Variants in CENPC observed in about 807,000 individuals in gnomAD.
The protein encoded by CENPC is CENP-C 1.
A neutral mutation model predicts 112.1 loss-of-function variants in CENPC; 63 were observed. The observed-to-expected ratio is 0.56, with a 90% CI of 0.46 to 0.69. The LOEUF (loss-of-function observed/expected upper bound fraction) is 0.69, where lower values mean the gene tolerates loss of function less well. Ranked by LOEUF, CENPC falls within the 30% of genes least tolerant of loss-of-function variation. The pLI is 0.00. For missense variants in CENPC, 1,000 were observed against 1,103.8 expected, an observed-to-expected ratio of 0.91 and a Z score of 1.33; for synonymous variants, 333 against 367.6, an observed-to-expected ratio of 0.91 and a Z score of 1.08.
In CENPC at chr4:67,492,233, G is replaced by A. The variant is rs867358619; in HGVS notation, c.2462C>T (p.Pro821Leu). Reference protein sequence around the residue: ...MVNLGIPLGDPLQPTRVKDPE... With the variant: ...MVNLGIPLGDLLQPTRVKDPE... ...GTCCTTTACCCTCGTTGGCTGCAAA[G>A]GATCTCCAAGAGGTATACCTAGATT... The change falls in exon 16 of 19, where the codon CCT becomes CTT. Residue 821 changes from proline (P) to leucine (L), a missense_variant. Pro to Leu is a moderately conservative substitution (Grantham distance 98, BLOSUM62 -3). Transcript: ENST00000273853. 1.3e-6 allele frequency: 2 copies of A among 1,568,758 alleles called. No homozygotes were observed. Among genetic ancestry groups the A allele is most frequent in the Admixed American group, 3.7e-5 (2 of 53,546 alleles).
intron 17 of CENPC, among the ~76,000 whole-genome samples, chr4:67,485,326 T>C (rs78088859): frequency 0.043 from 6,608 of 152,304 alleles, 207 homozygotes; most frequent in Non-Finnish European, 0.069. Flanking sequence ...CCAAATTTCA[T>C]ACTTTATACA....
chr4:67,475,019 A>G, intron 17 of CENPC, 41 bp from the exon 18 acceptor site: 1 of 1,060,292 alleles, frequency 9.4e-7, no homozygotes, highest in Non-Finnish European at 1.4e-6. Context: ...AAACTGAACC[A>G]TGATAATACT....
chr4:67,527,421 T>C (rs923759993), intron 5 of CENPC, among the ~76,000 whole-genome samples: 3 of 150,890 alleles, frequency 2.0e-5, no homozygotes, highest in Admixed American at 6.6e-5. Context: ...TAAAAACTTA[T>C]AGCTAACATC....
At position 67,493,865 on chromosome 4, in the gene CENPC, T is replaced by C; in HGVS notation, c.2290+19A>G. ...ACAAATTTTTTATTGACAGATATTA[T>C]AACATAAATAAGTTTTACCTGATGG... On this transcript the variant is annotated intron_variant, in intron 14 of 18. Coordinates refer to ENST00000273853, the MANE Select transcript of CENPC (RefSeq NM_001812.4). 1 of 1,532,974 alleles carries C rather than the reference T, an allele frequency of 6.5e-7. No individual in the cohort carries two copies. The highest frequency in any genetic ancestry group is 9.0e-7 in the Non-Finnish European group (1 of 1,112,014). The allele number at this position is 1,532,974 out of a possible 1,614,324, so 95.0% of individuals were successfully genotyped here.
At chr4:67,498,300 A>T (rs1725496441) in intron 12 of CENPC, among the ~76,000 whole-genome samples, 1 of 152,218 alleles carries the variant, frequency 6.6e-6, no homozygotes, top group Non-Finnish European at 1.5e-5. Context: ...GTGAGTTTTA[A>T]TCTTTTTGCT....
intron 17 of CENPC, among the ~76,000 whole-genome samples, chr4:67,488,780 G>A (rs1725159037): frequency 6.6e-6 from 1 of 151,666 alleles, no homozygotes; most frequent in African/African-American, 2.4e-5. Context: ...AATAACTGGA[G>A]GCCTATAACA....
chr4:67,513,041 CAG>C (rs1006303596), intron 8 of CENPC, among the ~76,000 whole-genome samples: 11 of 151,904 alleles, frequency 7.2e-5, no homozygotes, highest in African/African-American at 2.4e-4. Flanking sequence ...AAGCTGTGGT[CAG>C]AGAGATGAGA....
At chr4:67,528,898 GTTTTCT>G (rs1726462312) in intron 5 of CENPC, among the ~76,000 whole-genome samples, 1 of 152,108 alleles carries the variant, frequency 6.6e-6, no homozygotes, top group Non-Finnish European at 1.5e-5. Context: ...CTATCAAATT[GTTTTCT>G]ATGGTGGCTG....
intron 12 of CENPC, among the ~76,000 whole-genome samples, chr4:67,500,169 A>G (rs6819091): frequency 0.24 from 35,843 of 150,794 alleles, 4,552 homozygotes; most frequent in Non-Finnish European, 0.29. Flanking sequence ...CATGCTATTG[A>G]AAAAAAAAAT....
chr4:67,489,021 C>T (rs958616090), intron 17 of CENPC, among the ~76,000 whole-genome samples: 1 of 151,870 alleles, frequency 6.6e-6, no homozygotes, highest in Non-Finnish European at 1.5e-5. Flanking sequence ...TTTAGTAGCA[C>T]AATTTCAGAC....
rs1725469863 is a variant in CENPC at position 67,497,508 on chromosome 4, GA to G, written c.2132-2297del. Among the ~76,000 whole-genome samples, 8 of 152,242 alleles carry G rather than the reference GA, an allele frequency of 5.3e-5. No homozygotes were observed. In the South Asian group the frequency reaches 1.7e-3, roughly 32 times the overall value. On this transcript the variant is annotated intron_variant, in intron 12 of 18. Coordinates refer to ENST00000273853, the MANE Select transcript of CENPC (RefSeq NM_001812.4). Reference sequence around the variant, plus strand: ...TCAAACAGTTTTTTAGTTTCCTGGTGAATATAAAAGTTATTTCTTTTGCTGT... The same window carrying G: ...TCAAACAGTTTTTTAGTTTCCTGGTGATATAAAAGTTATTTCTTTTGCTGT...
rs374387199 is a variant in CENPC, at chr4:67,519,369, G to A, written c.465C>T (p.Ser155=). Residue 155 remains serine, a synonymous_variant, in exon 6 of 19, where the codon TCC becomes TCT. Coordinates refer to ENST00000273853, the MANE Select transcript of CENPC (RefSeq NM_001812.4). ...CCAAAAGAACAGAAGGTGAGCCAAC[G>A]GATAAGTAAAATTCTTCATCAGCTT... ...HSEADEEFYL[S]VGSPSVLLDA... 1,108 of 1,613,002 alleles carry A rather than the reference G, an allele frequency of 6.9e-4. 5 individuals are homozygous for A. The highest frequency in any genetic ancestry group is 8.5e-4 in the Non-Finnish European group (1,002 of 1,179,476).
chr4:67,528,338 T>C (rs1349912924), intron 5 of CENPC, among the ~76,000 whole-genome samples: 8 of 152,142 alleles, frequency 5.3e-5, no homozygotes. Flanking sequence ...AAACATGAAA[T>C]TTACAATATT....
intron 5 of CENPC, among the ~76,000 whole-genome samples, chr4:67,525,779 T>C (rs1051143159): frequency 6.6e-6 from 1 of 152,194 alleles, no homozygotes; most frequent in Non-Finnish European, 1.5e-5. Flanking sequence ...CTCAAGGATC[T>C]AGAACCAGAA....
At chr4:67,510,921 T>G in intron 9 of CENPC, 1 of 443,136 alleles carries the variant, frequency 2.3e-6, no homozygotes, top group Non-Finnish European at 4.5e-6. Flanking sequence ...AAGTGTTTTT[T>G]GATAGTTTCA....
chr4:67,529,030 A>T (rs1726467345), intron 5 of CENPC, among the ~76,000 whole-genome samples: 1 of 152,314 alleles, frequency 6.6e-6, no homozygotes, highest in Non-Finnish European at 1.5e-5. Context: ...GTAAAGTGGT[A>T]TCTCCCTAGG....
rs1422765360 is a variant in CENPC at position 67,471,713 on chromosome 4, C to T, written c.*892G>A. On this transcript the variant is annotated 3_prime_UTR_variant, in exon 19 of 19. Coordinates refer to ENST00000273853, the MANE Select transcript of CENPC (RefSeq NM_001812.4). ...GGGAGTTGGCCTAAAAATATTTTTA[C>T]CGTAAAACATCAATTTCTTCAGAGT... The T allele has an allele frequency of 6.6e-6, 1 of 151,986 alleles. No homozygotes were observed. The highest frequency in any genetic ancestry group is 1.5e-5 in the Non-Finnish European group (1 of 68,006). The allele number at this position is 151,986 out of a possible 1,614,324, so 9.4% of individuals were successfully genotyped here.
intron 5 of CENPC, among the ~76,000 whole-genome samples, chr4:67,530,018 C>A (rs1249943751): frequency 6.6e-6 from 1 of 151,696 alleles, no homozygotes; most frequent in Non-Finnish European, 1.5e-5. Context: ...ACACAACTGA[C>A]CAACTGGAAG....
At position 67,470,086 on chromosome 4, in the gene CENPC, T is replaced by C. The variant is rs375327422; in HGVS notation, c.*2519A>G. The C allele has an allele frequency of 1.3e-5, 2 of 152,200 alleles. No individual in the cohort carries two copies. Among genetic ancestry groups the C allele is most frequent in the Non-Finnish European group, 2.9e-5 (2 of 68,038 alleles). The allele number at this position is 152,200 out of a possible 1,614,324, so 9.4% of individuals were successfully genotyped here. A position where few individuals can be genotyped will look rare whatever the true frequency, so the allele number is the denominator to read the frequency against. On this transcript the variant is annotated 3_prime_UTR_variant, in exon 19 of 19. Coordinates refer to ENST00000273853, the MANE Select transcript of CENPC (RefSeq NM_001812.4). ...CAACTTGTGACTACTGTATCAGCCA[T>C]TATAGCCCTAGAAGTTGGCTGAACA...
Sources: allele counts gnomAD v4.1 joint callset (sites outside exome capture counted in the v4.1 genomes callset), GRCh38; gene constraint gnomAD v4.1.1; transcripts MANE v1.5; gene names NCBI Gene and HGNC (gene_info 2026-07-23, HGNC 2026-07-21).